The following PDE4D variants were observed in gnomAD, a reference collection of about 807,000 sequenced individuals.
The protein encoded by PDE4D is phosphodiesterase 4D.
In PDE4D, 24 loss-of-function variants were observed where a neutral mutation model predicts 87.4. The observed-to-expected ratio is 0.27, with a 90% confidence interval of 0.20 to 0.39. The LOEUF (loss-of-function observed/expected upper bound fraction) is 0.39, where lower values mean the gene tolerates loss of function less well. Among genes scored for constraint, PDE4D ranks in the 10% least tolerant of loss-of-function variants. The pLI is 1.00. For synonymous variants in PDE4D, 384 were observed against 383.2 expected (o/e 1.00, Z -0.02); for missense variants, 714 against 1,041.0 (o/e 0.69, Z 4.32).
At chr5:59,237,609 T>C (rs1756720627) in intron 1 of PDE4D, among the ~76,000 whole-genome samples, 1 of 152,144 alleles carries the variant, frequency 6.6e-6, no homozygotes, top group African/African-American at 2.4e-5. Context: ...TAATATTAAG[T>C]GAATGAATAA....
Position 60,029,338 on chromosome 5 carries a change from A to G in PDE4D, c.43-40621T>C, listed in dbSNP as rs570822989. Among the ~76,000 whole-genome samples, 6 of 152,334 alleles carry G rather than the reference A, an allele frequency of 3.9e-5. No homozygotes were observed. In the South Asian group the frequency reaches 1.2e-3, roughly 32 times the overall value. ...GTCACCCCTCTGCTCACTGAGATAG[A>G]TGCATATCTGATTGCCTCCTTTAAA... On this transcript the variant is annotated intron_variant, in intron 2 of 16. Transcript: ENST00000502484.
chr5:60,185,421 C>G (rs552132490), intron 2 of PDE4D: 2 of 552,598 alleles, frequency 3.6e-6, no homozygotes, highest in South Asian at 4.5e-5. Flanking sequence ...AAGCTGTGTA[C>G]AGTCAGAGAA....
intron 1 of PDE4D, among the ~76,000 whole-genome samples, chr5:59,228,752 A>G (rs1485109408): frequency 6.6e-6 from 1 of 152,150 alleles, no homozygotes; most frequent in Non-Finnish European, 1.5e-5. Context: ...TAAGGCCCTC[A>G]GTGACCTGGT....
intron 5 of PDE4D, among the ~76,000 whole-genome samples, chr5:59,057,191 G>C (rs1469825998): frequency 1.3e-5 from 2 of 152,150 alleles, no homozygotes; most frequent in African/African-American, 2.4e-5. Flanking sequence ...GCAGATCCCT[G>C]TTCCTCTTAA....
At chr5:60,050,019 C>T (rs925970478) in intron 2 of PDE4D, among the ~76,000 whole-genome samples, 1 of 152,218 alleles carries the variant, frequency 6.6e-6, no homozygotes, top group African/African-American at 2.4e-5. Flanking sequence ...ATCAGCGAGA[C>T]TCTGTTGGCG....
intron 2 of PDE4D, among the ~76,000 whole-genome samples, chr5:60,183,502 T>C (rs1784537620): frequency 6.6e-6 from 1 of 152,200 alleles, no homozygotes; most frequent in African/African-American, 2.4e-5. Context: ...ACCCCTCTCA[T>C]GAGAGGAACT....
At position 60,362,555 on chromosome 5, in the gene PDE4D, A is replaced by G. The variant is rs371617819; in HGVS notation, c.-90+125387T>C. On this transcript the variant is annotated intron_variant, in intron 1 of 16. Coordinates refer to the PDE4D transcript ENST00000502484. ...GTCCAACATGTCTTAGGGTACAGAT[A>G]AGAAATATTATTTTATTTCTGGCTA... Among the ~76,000 whole-genome samples the G allele has an allele frequency of 3.9e-4, 59 of 152,310 alleles. 1 individual carries two copies. Among genetic ancestry groups the G allele is most frequent in the African/African-American group, 1.4e-3 (58 of 41,576 alleles).
intron 6 of PDE4D, among the ~76,000 whole-genome samples, chr5:59,022,568 G>A (rs1359312331): frequency 6.6e-6 from 1 of 152,082 alleles, no homozygotes; most frequent in Non-Finnish European, 1.5e-5. Flanking sequence ...TTCCCACTAA[G>A]GTTTTATCCC....
At chr5:59,430,516 T>C in intron 1 of PDE4D, 4 of 983,378 alleles carry the variant, frequency 4.1e-6, no homozygotes, top group African/African-American at 1.7e-5. Context: ...ATTTCAGACA[T>C]ATGCTGCTCA....
At chr5:60,334,349 T>C (rs1473508032) in intron 1 of PDE4D, among the ~76,000 whole-genome samples, 2 of 152,202 alleles carry the variant, frequency 1.3e-5, no homozygotes, top group African/African-American at 4.8e-5. Context: ...ATAATTATCA[T>C]CTTCCAATTT....
intron 5 of PDE4D, among the ~76,000 whole-genome samples, chr5:59,158,375 T>C (rs1177350396): frequency 6.6e-6 from 1 of 152,226 alleles, no homozygotes; most frequent in East Asian, 1.9e-4. Context: ...ATCGAGTCCC[T>C]GAACATGTTT....
chr5:59,789,613 T>C (rs940793057), intron 1 of PDE4D, among the ~76,000 whole-genome samples: 2 of 152,248 alleles, frequency 1.3e-5, no homozygotes, highest in East Asian at 3.8e-4. Flanking sequence ...CAGGTATGAA[T>C]CTATTCCTCA....
intron 1 of PDE4D, among the ~76,000 whole-genome samples, chr5:59,708,951 T>C (rs2150498085): frequency 6.6e-6 from 1 of 150,674 alleles, no homozygotes; most frequent in East Asian, 2.0e-4. Context: ...CCAACCCAAA[T>C]ATATTTTCAG....
intron 1 of PDE4D, among the ~76,000 whole-genome samples, chr5:60,449,100 C>CACAT (rs1245980182): frequency 1.4e-5 from 2 of 144,614 alleles, no homozygotes; most frequent in Non-Finnish European, 3.0e-5. Flanking sequence ...CACACACACA[C>CACAT]GATCATGAAA....
At chr5:60,415,847 C>T (rs927713602) in intron 1 of PDE4D, among the ~76,000 whole-genome samples, 3 of 152,226 alleles carry the variant, frequency 2.0e-5, no homozygotes, top group Admixed American at 6.5e-5. Flanking sequence ...CCGCCCGGTG[C>T]GGGACCCACT....
chr5:59,038,124 G>A (rs935201490), intron 6 of PDE4D, among the ~76,000 whole-genome samples: 4 of 152,108 alleles, frequency 2.6e-5, no homozygotes, highest in African/African-American at 9.7e-5. Context: ...CAGCAAAACT[G>A]AAAACACTAT....
At chr5:60,469,955 A>G (rs1454734340) in intron 1 of PDE4D, among the ~76,000 whole-genome samples, 1 of 152,200 alleles carries the variant, frequency 6.6e-6, no homozygotes, top group Non-Finnish European at 1.5e-5. Context: ...CTCACTTTAA[A>G]TCAAAAGCTC....
rs187040639 is a variant in PDE4D, at chr5:60,486,978, C to T, written c.-90+964G>A. On this transcript the variant is annotated intron_variant, in intron 1 of 16. Transcript: ENST00000502484. ...AGCACTAATTTCATAGGCAAAAGCC[C>T]TATTATTTTTTATGATAGGCTAGGG... Among the ~76,000 whole-genome samples, 65 of 152,226 alleles carry T rather than the reference C, an allele frequency of 4.3e-4. 1 individual carries two copies. The highest frequency in any genetic ancestry group is 1.5e-3 in the African/African-American group (64 of 41,530).
At chr5:59,551,484 C>CAG (rs1384352530) in intron 1 of PDE4D, among the ~76,000 whole-genome samples, 1 of 151,460 alleles carries the variant, frequency 6.6e-6, no homozygotes, top group South Asian at 2.1e-4. Flanking sequence ...CACACACACA[C>CAG]ACACACACAC....
Sources: gnomAD v4.1 joint callset for allele counts (sites outside exome capture counted in the v4.1 genomes callset) on GRCh38, gnomAD v4.1.1 for gene constraint, MANE v1.5 for transcripts, NCBI Gene and HGNC (gene_info 2026-07-23, HGNC 2026-07-21) for gene names.